The following PARD3 variants were observed in gnomAD, a reference collection of about 807,000 sequenced individuals.
PARD3 encodes partitioning defective 3 homolog.
In PARD3, 75 loss-of-function variants were observed where a neutral mutation model predicts 155.4. That is an observed-to-expected ratio of 0.48 (90% confidence interval 0.40 to 0.58). The LOEUF (loss-of-function observed/expected upper bound fraction) is 0.58, where lower values mean the gene tolerates loss of function less well. Ranked by LOEUF, PARD3 falls within the 20% of genes least tolerant of loss-of-function variation. The pLI is 0.00. For missense variants in PARD3, 1,642 were observed against 1,721.7 expected (o/e 0.95, Z 0.82); for synonymous variants, 576 against 610.5 (o/e 0.94, Z 0.83).
At chr10:34,635,358 C>CTGAG (rs1490601964) in intron 2 of PARD3, among the ~76,000 whole-genome samples, 2 of 152,246 alleles carry the variant, frequency 1.3e-5, no homozygotes, top group African/African-American at 4.8e-5. Context: ...AGGCATAAGG[C>CTGAG]TGAGGGCTTG....
intron 1 of PARD3, among the ~76,000 whole-genome samples, chr10:34,771,547 GTT>G (rs1838863060): frequency 6.6e-6 from 1 of 152,212 alleles, no homozygotes; most frequent in East Asian, 1.9e-4. Context: ...AAACAGAAAA[GTT>G]ACACAAAACT....
intron 2 of PARD3, among the ~76,000 whole-genome samples, chr10:34,684,611 G>C (rs1346827121): frequency 6.6e-6 from 1 of 151,990 alleles, no homozygotes. Context: ...GCCTGCATTC[G>C]AATCCTGGTT....
chr10:34,806,772 C>T (rs912906955), intron 1 of PARD3, among the ~76,000 whole-genome samples: 6 of 152,206 alleles, frequency 3.9e-5, no homozygotes, highest in African/African-American at 1.2e-4. Flanking sequence ...GTCCTGGACC[C>T]TGTATAACCA....
intron 22 of PARD3, among the ~76,000 whole-genome samples, chr10:34,144,176 G>GC (rs1222999146): frequency 2.0e-5 from 3 of 152,096 alleles, no homozygotes; most frequent in African/African-American, 7.2e-5. Context: ...GAAAGGGCTT[G>GC]CAACATTCTT....
intron 1 of PARD3, among the ~76,000 whole-genome samples, chr10:34,792,162 T>G (rs1841723643): frequency 6.6e-6 from 1 of 152,082 alleles, no homozygotes; most frequent in African/African-American, 2.4e-5. Flanking sequence ...TCCCCGGACG[T>G]GCGCCCACGT....
chr10:34,352,572 C>T (rs548218542), intron 14 of PARD3, among the ~76,000 whole-genome samples: 217 of 152,326 alleles, frequency 1.4e-3, no homozygotes, highest in Middle Eastern at 6.8e-3. Context: ...GTCTCCAGCT[C>T]CTGACCGCGA....
Position 34,566,163 on chromosome 10 carries a change from C to T in PARD3, c.223-49004G>A, listed in dbSNP as rs79347635. The stretch of plus-strand genomic sequence containing the variant: ...CCAACAAATGACATTTTCTATTTTG[C>T]AAGAAGTATTGAGCTATTTTGTCTT... On this transcript the variant is annotated intron_variant, in intron 2 of 24. Transcript: ENST00000374788. 5.7e-3 allele frequency among the ~76,000 whole-genome samples: 861 copies of T among 152,260 alleles called. 20 individuals are homozygous for T. The highest frequency in any genetic ancestry group is 0.055 in the East Asian group (284 of 5,166).
intron 3 of PARD3, among the ~76,000 whole-genome samples, chr10:34,502,626 A>G (rs2080794913): frequency 6.6e-6 from 1 of 152,214 alleles, no homozygotes; most frequent in Non-Finnish European, 1.5e-5. Flanking sequence ...CCTGCTTTCC[A>G]AAATTGGAAA....
At chr10:34,205,674 G>C (rs1951438665) in intron 22 of PARD3, among the ~76,000 whole-genome samples, 1 of 152,180 alleles carries the variant, frequency 6.6e-6, no homozygotes, top group Non-Finnish European at 1.5e-5. Context: ...AGCTGGAGAG[G>C]AAGGGGATGG....
chr10:34,767,876 A>G (rs1298239203), intron 1 of PARD3, among the ~76,000 whole-genome samples: 2 of 151,934 alleles, frequency 1.3e-5, no homozygotes, highest in African/African-American at 4.8e-5. Flanking sequence ...GTGGGCCAAG[A>G]TTGTGACACT....
At chr10:34,403,367 A>G (rs1639744676) in intron 5 of PARD3, among the ~76,000 whole-genome samples, 2 of 152,228 alleles carry the variant, frequency 1.3e-5, no homozygotes, top group Non-Finnish European at 1.5e-5. Flanking sequence ...GAAAAATTTT[A>G]TATTTTCAAT....
chr10:34,722,819 T>C (rs897427714), intron 1 of PARD3, among the ~76,000 whole-genome samples: 2 of 152,198 alleles, frequency 1.3e-5, no homozygotes, highest in African/African-American at 4.8e-5. Flanking sequence ...AATATTCCTT[T>C]TTGACAAATA....
intron 4 of PARD3, among the ~76,000 whole-genome samples, chr10:34,457,856 C>T (rs1396360503): frequency 1.3e-5 from 2 of 152,174 alleles, no homozygotes; most frequent in Non-Finnish European, 2.9e-5. Flanking sequence ...CTGCCTAAGC[C>T]TCCCAAAGTA....
rs11391115 is a variant in PARD3 at position 34,266,230 on chromosome 10, A to AT, written c.3419+3426_3419+3427insA. ...CAGTACCAAGAGATTGTCTTTCTAT[A>AT]AAAAAAAAAAATTCCTATACTCCTC... On this transcript the variant is annotated intron_variant, in intron 22 of 24. Transcript: ENST00000374788. Among the ~76,000 whole-genome samples the AT allele has an allele frequency of 6.5e-4, 18 of 27,596 alleles. No individual in the cohort carries two copies. The African/African-American group carries it at 8.9e-3, about 14-fold the overall frequency. 18.1% of individuals were successfully genotyped at this position (27,596 alleles called of 152,430 possible). A position where few individuals can be genotyped will look rare whatever the true frequency, so the allele number is the denominator to read the frequency against.
chr10:34,141,008 T>C (rs920848546), intron 22 of PARD3, among the ~76,000 whole-genome samples: 6 of 152,218 alleles, frequency 3.9e-5, no homozygotes, highest in African/African-American at 1.4e-4. Context: ...AAAAAAATTA[T>C]AGTTGGTAAA....
At chr10:34,264,292 C>T (rs1055949971) in intron 22 of PARD3, among the ~76,000 whole-genome samples, 2 of 152,146 alleles carry the variant, frequency 1.3e-5, no homozygotes, top group Non-Finnish European at 2.9e-5. Context: ...GCTAGCTAAC[C>T]CACGATGTTT....
At chr10:34,163,282 G>A (rs964294671) in intron 22 of PARD3, among the ~76,000 whole-genome samples, 3 of 152,098 alleles carry the variant, frequency 2.0e-5, no homozygotes, top group Admixed American at 1.3e-4. Flanking sequence ...ACAAGGCGTG[G>A]GAGAAAACAA....
At chr10:34,465,941 A>T (rs994588129) in intron 4 of PARD3, among the ~76,000 whole-genome samples, 1 of 152,128 alleles carries the variant, frequency 6.6e-6, no homozygotes, top group African/African-American at 2.4e-5. Context: ...CTGACTTAAT[A>T]AGGAAGACCA....
chr10:34,559,451 GAA>G (rs10568249), intron 2 of PARD3, among the ~76,000 whole-genome samples: 58,383 of 135,960 alleles, frequency 0.43, 11,440 homozygotes, highest in South Asian at 0.5. Flanking sequence ...AAAAAAAAAT[GAA>G]AAAAAAAAAA....
Sources: allele counts gnomAD v4.1 joint callset (sites outside exome capture counted in the v4.1 genomes callset), GRCh38; gene constraint gnomAD v4.1.1; transcripts MANE v1.5; gene names NCBI Gene and HGNC (gene_info 2026-07-23, HGNC 2026-07-21).